Variants in B4GALNT2 observed in about 807,000 individuals in gnomAD.
B4GALNT2 encodes N-acetylneuraminylgalactosylglucosyl-glucoside beta-1,4-N- acetylgalactosaminyltransferase 2.
Under a neutral mutation model 51.1 loss-of-function variants are expected in B4GALNT2, and 42 were observed. The observed-to-expected ratio is 0.82, with a 90% confidence interval of 0.64 to 1.06. The LOEUF (loss-of-function observed/expected upper bound fraction) is 1.06. Ranked by LOEUF, B4GALNT2 falls within the 50% of genes least tolerant of loss-of-function variation. The pLI, the probability that B4GALNT2 is intolerant of heterozygous loss-of-function variation, is 0.00. For missense variants in B4GALNT2, 602 were observed against 633.6 expected (o/e 0.95, Z 0.54); for synonymous variants, 253 against 251.7 (o/e 1.01, Z -0.05).
rs187238408 is a variant in B4GALNT2, at chr17:49,133,956, G to A, written c.14+1150G>A. Among the ~76,000 whole-genome samples, 8 of 152,136 alleles carry A rather than the reference G, an allele frequency of 5.3e-5. No homozygotes were observed. The East Asian group carries it at 1.4e-3, about 26-fold the overall frequency. On this transcript the variant is annotated intron_variant, in intron 1 of 10. Coordinates refer to ENST00000393354, the MANE Select transcript of B4GALNT2 (RefSeq NM_001159387.2). ...AAACAAACAAACAAACAAACAAAAA[G>A]CAGCAACACACGTTGAATAGAGGAT...
chr17:49,153,444 G>A (rs901581960), intron 4 of B4GALNT2, among the ~76,000 whole-genome samples: 2 of 151,730 alleles, frequency 1.3e-5, no homozygotes, highest in East Asian at 1.9e-4. Context: ...ATAAATAAAA[G>A]TATGGAGCAG....
chr17:49,140,384 G>A (rs1026129614), intron 1 of B4GALNT2, among the ~76,000 whole-genome samples: 2 of 152,202 alleles, frequency 1.3e-5, no homozygotes, highest in Admixed American at 6.5e-5. Flanking sequence ...ACAGGCATGA[G>A]CCACCACACC....
Position 49,139,298 on chromosome 17 carries a change from G to C in B4GALNT2, c.15-1949G>C, listed in dbSNP as rs191270079. On this transcript the variant is annotated intron_variant, in intron 1 of 10. Coordinates refer to ENST00000393354, the MANE Select transcript of B4GALNT2 (RefSeq NM_001159387.2). ...CTGACACCGAGGCTGGAGTGCAGTG[G>C]TGCAGTTTTGACTCACTATATCCTT... 8.5e-5 allele frequency among the ~76,000 whole-genome samples: 13 copies of C among 152,162 alleles called. No individual in the cohort carries two copies. The East Asian group carries it at 2.5e-3, about 29-fold the overall frequency.
chr17:49,128,607 C>G (rs2042522212), upstream of B4GALNT2, among the ~76,000 whole-genome samples: 1 of 152,150 alleles, frequency 6.6e-6, no homozygotes, highest in Non-Finnish European at 1.5e-5. Flanking sequence ...GAGAGAACCT[C>G]TTGGCGTTTG....
At chr17:49,142,699 A>C (rs1343289037) in intron 3 of B4GALNT2, among the ~76,000 whole-genome samples, 1 of 144,164 alleles carries the variant, frequency 6.9e-6, no homozygotes, top group East Asian at 2.3e-4. Flanking sequence ...CTCCAACAAA[A>C]GCAAAAACAA....
chr17:49,154,142 T>C (rs1210731248), intron 4 of B4GALNT2, among the ~76,000 whole-genome samples: 1 of 151,938 alleles, frequency 6.6e-6, no homozygotes, highest in Non-Finnish European at 1.5e-5. Context: ...TAGTTGGGAT[T>C]ACAAGTGCCC....
rs1390291270 is a variant in B4GALNT2 at position 49,173,920 on chromosome 17, A to G, written c.*4192A>G. 2 of 152,172 alleles carry G rather than the reference A, an allele frequency of 1.3e-5. No individual in the cohort carries two copies. The highest frequency in any genetic ancestry group is 4.8e-5 in the African/African-American group (2 of 41,438). The allele number at this position is 152,172 out of a possible 1,614,324, so 9.4% of individuals were successfully genotyped here. A position where few individuals can be genotyped will look rare whatever the true frequency, so the allele number is the denominator to read the frequency against. ...CAGCTCTGCATCAGCTTCTTTTGTTAATTGCCGAGGGCTATGAGACTAGCA... is the reference window on the plus strand; with the variant it reads ...CAGCTCTGCATCAGCTTCTTTTGTTGATTGCCGAGGGCTATGAGACTAGCA... On this transcript the variant is annotated 3_prime_UTR_variant, in exon 11 of 11. Transcript: ENST00000393354.
rs2042838570 is a variant in B4GALNT2, at chr17:49,159,139, G to A, written c.601G>A (p.Asp201Asn). 10 of 1,614,056 alleles carry A rather than the reference G, an allele frequency of 6.2e-6. No homozygotes were observed. The highest frequency in any genetic ancestry group is 8.5e-6 in the Non-Finnish European group (10 of 1,180,044). Reference protein sequence around the residue: ...GQKQLIISTSDRKLLKFILQH... With the variant: ...GQKQLIISTSNRKLLKFILQH... Reference sequence around the variant, plus strand: ...GAAGCAGCTGATCATTTCTACCAGTGACCGGAAGCTGTTGAAGTTCATTCT... The same window carrying A: ...GAAGCAGCTGATCATTTCTACCAGTAACCGGAAGCTGTTGAAGTTCATTCT... The change falls in exon 6 of 11, where the codon GAC (aspartate) becomes AAC (asparagine). Residue 201 changes from aspartate to asparagine, a missense_variant. Asp to Asn is a conservative substitution (Grantham distance 23). Transcript: ENST00000393354.
At chr17:49,138,604 TTGG>T (rs2042611712) in intron 1 of B4GALNT2, among the ~76,000 whole-genome samples, 1 of 152,064 alleles carries the variant, frequency 6.6e-6, no homozygotes, top group African/African-American at 2.4e-5. Flanking sequence ...TCAGCCAGCC[TTGG>T]TGGCTCATGC....
At chr17:49,133,736 A>G (rs1355877877) in intron 1 of B4GALNT2, among the ~76,000 whole-genome samples, 1 of 152,000 alleles carries the variant, frequency 6.6e-6, no homozygotes, top group Non-Finnish European at 1.5e-5. Context: ...AACATGGTGA[A>G]ACCCCGTCTC....
chr17:49,174,224 G>A lies in B4GALNT2; in HGVS notation c.*4496G>A, dbSNP rs569453954. The stretch of plus-strand genomic sequence containing the variant: ...TGGAGTAATATTTCTCGAGTGGGGG[G>A]CAGCACAAAGTATATCGTCCATATA... On this transcript the variant is annotated 3_prime_UTR_variant, in exon 11 of 11. Transcript: ENST00000393354. The A allele has an allele frequency of 6.6e-5, 10 of 152,240 alleles. No homozygotes were observed. In the East Asian group the frequency reaches 1.7e-3, roughly 26 times the overall value. The allele number at this position is 152,240 out of a possible 1,614,324, so 9.4% of individuals were successfully genotyped here.
Position 49,141,301 on chromosome 17 carries a change from T to C in B4GALNT2, c.69T>C (p.Ile23=). 6.2e-7 allele frequency: 1 copy of C among 1,614,136 alleles called. No homozygotes were observed. The highest frequency in any genetic ancestry group is 8.5e-7 in the Non-Finnish European group (1 of 1,180,010). Residue 23 remains isoleucine (I), a synonymous_variant, in exon 2 of 11, where the codon ATT becomes ATC. Coordinates refer to ENST00000393354, the MANE Select transcript of B4GALNT2 (RefSeq NM_001159387.2). ...TGGTCATAATCCTGGTACTTGGCAT[T>C]GTTGGATTTATGTTCGGAAGCATGT... ...KILVIILVLG[I]VGFMFGSMFL... is the part of the protein sequence containing the mutation.
Position 49,164,279 on chromosome 17 carries a change from T to C in B4GALNT2, c.954+4T>C. 2 of 1,609,090 alleles carry C rather than the reference T, an allele frequency of 1.2e-6. No individual in the cohort carries two copies. The highest frequency in any genetic ancestry group is 1.7e-4 in the Middle Eastern group (1 of 6,052). ...TTACACTATGCCCTTTGGGAAGGTA[T>C]GTCCCTCTCAGATTGGGTGGCACCT... On this transcript the variant is annotated splice_donor_region_variant and intron_variant, in intron 8 of 10. Coordinates refer to ENST00000393354, the MANE Select transcript of B4GALNT2 (RefSeq NM_001159387.2).
At chr17:49,147,494 C>T (rs1047607227) in intron 3 of B4GALNT2, among the ~76,000 whole-genome samples, 1 of 151,910 alleles carries the variant, frequency 6.6e-6, no homozygotes, top group African/African-American at 2.4e-5. Context: ...CCCACCTCAG[C>T]CTCCCAAATA....
At position 49,168,681 on chromosome 17, in the gene B4GALNT2, G is replaced by A. The variant is rs758338859; in HGVS notation, c.1096G>A (p.Val366Ile). 3 of 1,612,938 alleles carry A rather than the reference G, an allele frequency of 1.9e-6. No homozygotes were observed. Among genetic ancestry groups the A allele is most frequent in the East Asian group, 2.2e-5 (1 of 44,880 alleles). ...DVLEKTELDV[V>I]GGSVLGNVFQ... ...ATGGATTTCTCTGCCTGCTGGCTAGGTAGGCGGCAGTGTGCTGGGAAATGT... is the reference window on the plus strand; with the variant it reads ...ATGGATTTCTCTGCCTGCTGGCTAGATAGGCGGCAGTGTGCTGGGAAATGT... Residue 366 changes from valine to isoleucine, a missense_variant and splice_region_variant, in exon 10 of 11, where the codon GTA (valine) becomes ATA (isoleucine). Physicochemically the swap from Val to Ile is conservative, Grantham distance 29. Coordinates refer to ENST00000393354, the MANE Select transcript of B4GALNT2 (RefSeq NM_001159387.2).
intron 3 of B4GALNT2, among the ~76,000 whole-genome samples, chr17:49,143,959 G>A (rs2042669003): frequency 6.6e-6 from 1 of 152,066 alleles, no homozygotes; most frequent in African/African-American, 2.4e-5. Context: ...GCCAGCCTGG[G>A]CAACATGGCG....
chr17:49,173,613 T>A lies in B4GALNT2; in HGVS notation c.*3885T>A, dbSNP rs536157823. 1 of 152,246 alleles carries A rather than the reference T, an allele frequency of 6.6e-6. No individual in the cohort carries two copies. Among genetic ancestry groups the A allele is most frequent in the Admixed American group, 6.5e-5 (1 of 15,280 alleles). 9.4% of individuals were successfully genotyped at this position (152,246 alleles called of 1,614,324 possible). A position where few individuals can be genotyped will look rare whatever the true frequency, so the allele number is the denominator to read the frequency against. ...TAAGACTATTTATAAAAGCTTGCTCTATTTGTGCCTTCATGAGAAGGACAA... is the reference window on the plus strand; with the variant it reads ...TAAGACTATTTATAAAAGCTTGCTCAATTTGTGCCTTCATGAGAAGGACAA... On this transcript the variant is annotated 3_prime_UTR_variant, in exon 11 of 11. Transcript: ENST00000393354.
chr17:49,130,474 A>G (rs530786782), upstream of B4GALNT2, among the ~76,000 whole-genome samples: 1 of 152,254 alleles, frequency 6.6e-6, no homozygotes, highest in East Asian at 1.9e-4. Flanking sequence ...CCTCGTCTCT[A>G]CTAAAAATAC....
the B4GALNT2 span, among the ~76,000 whole-genome samples, chr17:49,125,268 T>G: frequency 6.6e-6 from 1 of 152,276 alleles, no homozygotes; most frequent in South Asian, 2.1e-4. Context: ...CAAGCGATTC[T>G]CCTGCCTCAG....
Sources: gnomAD v4.1 joint callset for allele counts (sites outside exome capture counted in the v4.1 genomes callset) on GRCh38, gnomAD v4.1.1 for gene constraint, MANE v1.5 for transcripts, NCBI Gene and HGNC (gene_info 2026-07-23, HGNC 2026-07-21) for gene names.